Variants in ERBB4 observed in about 807,000 individuals in gnomAD.
The protein encoded by ERBB4 is receptor tyrosine-protein kinase erbB-4.
ERBB4 carries 42 observed loss-of-function variants against 158.0 expected under a neutral mutation model. That is an observed-to-expected ratio of 0.27 (90% confidence interval 0.21 to 0.34). ERBB4 has a LOEUF of 0.34. Among genes scored for constraint, ERBB4 ranks in the 10% least tolerant of loss-of-function variants. The pLI, the probability that ERBB4 is intolerant of heterozygous loss-of-function variation, is 1.00. For missense variants in ERBB4, 1,333 were observed against 1,624.1 expected, an observed-to-expected ratio of 0.82 and a Z score of 3.08; for synonymous variants, 583 against 558.7, an observed-to-expected ratio of 1.04 and a Z score of -0.61.
chr2:212,331,168 G>A (rs1018651412), intron 1 of ERBB4, among the ~76,000 whole-genome samples: 8 of 147,264 alleles, frequency 5.4e-5, no homozygotes, highest in Non-Finnish European at 1.2e-4. Context: ...AACACTTATT[G>A]ACAGACCACA....
At chr2:212,174,856 A>T (rs1199066503) in intron 1 of ERBB4, among the ~76,000 whole-genome samples, 1 of 152,076 alleles carries the variant, frequency 6.6e-6, no homozygotes, top group Non-Finnish European at 1.5e-5. Flanking sequence ...AGGATAAATT[A>T]AAAAATCATG....
chr2:211,452,371 T>G (rs2064268597), intron 20 of ERBB4, among the ~76,000 whole-genome samples: 1 of 151,994 alleles, frequency 6.6e-6, no homozygotes, highest in African/African-American at 2.4e-5. Flanking sequence ...AGAGACAGGG[T>G]TTCACCATGT....
At position 212,122,106 on chromosome 2, in the gene ERBB4, A is replaced by C. The variant is rs143287722; in HGVS notation, c.234+2646T>G. On this transcript the variant is annotated intron_variant, in intron 2 of 27. Coordinates refer to ENST00000342788, the MANE Select transcript of ERBB4 (RefSeq NM_005235.3). ...ACACACCCCACATACAAACACATAT[A>C]TATCACATATAAAACATAATTTATC... Among the ~76,000 whole-genome samples the C allele has an allele frequency of 7.0e-3, 1,052 of 151,302 alleles. 7 individuals are homozygous for C. Among genetic ancestry groups the C allele is most frequent in the Middle Eastern group, 0.021 (6 of 288 alleles).
At chr2:212,226,261 C>T (rs2083464785) in intron 1 of ERBB4, among the ~76,000 whole-genome samples, 1 of 152,246 alleles carries the variant, frequency 6.6e-6, no homozygotes, top group South Asian at 2.1e-4. Flanking sequence ...TTCCAACAAC[C>T]TAACTGAGCT....
At chr2:212,522,719 A>G (rs1692241628) in intron 1 of ERBB4, among the ~76,000 whole-genome samples, 1 of 152,046 alleles carries the variant, frequency 6.6e-6, no homozygotes, top group Admixed American at 6.6e-5. Context: ...TCTAATATAC[A>G]CCCAATAATA....
intron 1 of ERBB4, among the ~76,000 whole-genome samples, chr2:212,240,552 G>C (rs2084047294): frequency 7.1e-6 from 1 of 139,992 alleles, no homozygotes; most frequent in South Asian, 2.3e-4. Context: ...AGAATCGTTT[G>C]AACCCGGGAG....
chr2:211,516,507 T>C (rs1051980594), intron 20 of ERBB4, among the ~76,000 whole-genome samples: 2 of 151,830 alleles, frequency 1.3e-5, no homozygotes, highest in African/African-American at 4.8e-5. Context: ...CTAATTTTTA[T>C]AATTTTAGTA....
intron 1 of ERBB4, among the ~76,000 whole-genome samples, chr2:212,264,883 GAAAT>G (rs1199497296): frequency 6.6e-6 from 1 of 152,070 alleles, no homozygotes; most frequent in Non-Finnish European, 1.5e-5. Flanking sequence ...AAAGTCATCT[GAAAT>G]AAATAAACTC....
chr2:211,799,788 T>C (rs1052462873), intron 3 of ERBB4, among the ~76,000 whole-genome samples: 6 of 152,198 alleles, frequency 3.9e-5, no homozygotes, highest in South Asian at 4.1e-4. Flanking sequence ...ATTATTATTA[T>C]TGAGGGAAAG....
intron 20 of ERBB4, among the ~76,000 whole-genome samples, chr2:211,496,196 C>CT (rs2065464436): frequency 6.6e-6 from 1 of 151,916 alleles, no homozygotes. Flanking sequence ...AACTTTTTCT[C>CT]TTTTTTATGT....
chr2:211,832,795 C>G (rs1035038128), intron 3 of ERBB4, among the ~76,000 whole-genome samples: 1 of 150,094 alleles, frequency 6.7e-6, no homozygotes, highest in Non-Finnish European at 1.5e-5. Context: ...CCTGTCTATA[C>G]GCATTGATAT....
chr2:212,227,283 CAAGCAG>C (rs964501274), intron 1 of ERBB4, among the ~76,000 whole-genome samples: 9 of 151,146 alleles, frequency 6.0e-5, no homozygotes, highest in African/African-American at 1.2e-4. Flanking sequence ...ATGGAGATTA[CAAGCAG>C]CAATAAGCAG....
chr2:212,340,303 G>C (rs534707706), intron 1 of ERBB4, among the ~76,000 whole-genome samples: 1 of 152,112 alleles, frequency 6.6e-6, no homozygotes, highest in Non-Finnish European at 1.5e-5. Context: ...AACTGGTTTC[G>C]TGGAAGACAA....
intron 2 of ERBB4, among the ~76,000 whole-genome samples, chr2:212,111,772 G>T (rs62183998): frequency 0.046 from 6,967 of 152,158 alleles, 230 homozygotes; most frequent in Middle Eastern, 0.14. Context: ...CAGGGTGCTA[G>T]GTACTGGGGA....
chr2:212,079,400 A>G (rs2078369225), intron 2 of ERBB4, among the ~76,000 whole-genome samples: 1 of 152,088 alleles, frequency 6.6e-6, no homozygotes, highest in South Asian at 2.1e-4. Context: ...ATATCCTACC[A>G]AAACTGTTGG....
At chr2:211,581,378 A>C (rs2068099493) in intron 19 of ERBB4, among the ~76,000 whole-genome samples, 1 of 152,206 alleles carries the variant, frequency 6.6e-6, no homozygotes, top group Non-Finnish European at 1.5e-5. Context: ...CCACTGAAAG[A>C]ACATGGAAAT....
At chr2:212,105,613 T>A (rs1188735151) in intron 2 of ERBB4, among the ~76,000 whole-genome samples, 1 of 152,226 alleles carries the variant, frequency 6.6e-6, no homozygotes, top group Non-Finnish European at 1.5e-5. Flanking sequence ...GAAAAATGTT[T>A]CAATAAAATT....
chr2:212,478,359 T>C lies in ERBB4; in HGVS notation c.82+60090A>G, dbSNP rs1209941626. 2.0e-5 allele frequency among the ~76,000 whole-genome samples: 3 copies of C among 152,164 alleles called. No individual in the cohort carries two copies. In the South Asian group the frequency reaches 6.2e-4, roughly 32 times the overall value. On this transcript the variant is annotated intron_variant, in intron 1 of 27. Transcript: ENST00000342788. ...CCAGGCCTGGCTTGGAAAGGTGAAT[T>C]AGTACAACTAGATTCTCTTTCAGCT...
intron 2 of ERBB4, among the ~76,000 whole-genome samples, chr2:211,972,181 G>C (rs2081472868): frequency 6.6e-6 from 1 of 152,110 alleles, no homozygotes; most frequent in South Asian, 2.1e-4. Context: ...AAATACCTAT[G>C]AATACAGCTG....
Sources: gnomAD v4.1 joint callset for allele counts (sites outside exome capture counted in the v4.1 genomes callset) on GRCh38, gnomAD v4.1.1 for gene constraint, MANE v1.5 for transcripts, NCBI Gene and HGNC (gene_info 2026-07-23, HGNC 2026-07-21) for gene names.